The following KLF9 variants were observed in gnomAD, a reference collection of about 807,000 sequenced individuals.
KLF9 encodes KLF transcription factor 9.
A neutral mutation model predicts 17.3 loss-of-function variants in KLF9; 2 were observed. That is an observed-to-expected ratio of 0.12 (90% CI 0.05 to 0.36). The LOEUF (loss-of-function observed/expected upper bound fraction) is 0.36, where lower values mean the gene tolerates loss of function less well. KLF9 is among the 10% of genes least tolerant of loss of function. The probability of loss-of-function intolerance (pLI) is 1.00; values close to 1 mark genes in which losing one functional copy is unlikely to be tolerated. For synonymous variants in KLF9, 138 were observed against 139.2 expected, an observed-to-expected ratio of 0.99 and a Z score of 0.06; for missense variants, 226 against 333.2, an observed-to-expected ratio of 0.68 and a Z score of 2.51.
intron 1 of KLF9, among the ~76,000 whole-genome samples, chr9:70,406,824 T>C (rs533101605): frequency 6.7e-6 from 1 of 148,244 alleles, no homozygotes; most frequent in Admixed American, 6.8e-5. Flanking sequence ...ATTCTAGCAG[T>C]GGAGGAAGGA....
intron 1 of KLF9, among the ~76,000 whole-genome samples, chr9:70,412,186 CAAAAAAAA>C (rs10644898): frequency 1.9e-3 from 88 of 47,128 alleles, no homozygotes; most frequent in South Asian, 0.012. Flanking sequence ...GTCACATGGC[CAAAAAAAA>C]AAAAAAAAAA....
rs34988097 is a variant in KLF9, at chr9:70,401,686, C to CAAAA, written c.505+11169_505+11172dup. 1.2e-4 allele frequency among the ~76,000 whole-genome samples: 8 copies of CAAAA among 66,404 alleles called. 1 individual carries two copies. Among genetic ancestry groups the CAAAA allele is most frequent in the Admixed American group, 2.0e-4 (1 of 5,028 alleles). 43.6% of individuals were successfully genotyped at this position (66,404 alleles called of 152,430 possible). Reference sequence around the variant, plus strand: ...TGGGCAACAGAGCAAGACTCCTTCACAAAAAAAAAAAAAAAAAAAGAAAAG... The same window carrying CAAAA: ...TGGGCAACAGAGCAAGACTCCTTCACAAAAAAAAAAAAAAAAAAAAAAAGAAAAG... On this transcript the variant is annotated intron_variant, in intron 1 of 1. Coordinates refer to ENST00000377126, the MANE Select transcript of KLF9 (RefSeq NM_001206.4).
At position 70,385,913 on chromosome 9, in the gene KLF9, A is replaced by G. The variant is rs1038595562; in HGVS notation, c.*1863T>C. On this transcript the variant is annotated 3_prime_UTR_variant, in exon 2 of 2. Coordinates refer to ENST00000377126, the MANE Select transcript of KLF9 (RefSeq NM_001206.4). ...TAATGTTAAAAGCAGTTCTCTTTAT[A>G]GAACTACTAATACAACTACGTTGGT... 15 of 152,200 alleles carry G rather than the reference A, an allele frequency of 9.9e-5. No homozygotes were observed. The highest frequency in any genetic ancestry group is 3.1e-4 in the African/African-American group (13 of 41,430). 9.4% of individuals were successfully genotyped at this position (152,200 alleles called of 1,614,324 possible). A position where few individuals can be genotyped will look rare whatever the true frequency, so the allele number is the denominator to read the frequency against.
chr9:70,388,116 A>G (rs2037127020), intron 1 of KLF9, 111 bp from the exon 2 acceptor site: 1 of 834,462 alleles, frequency 1.2e-6, no homozygotes, highest in African/African-American at 1.7e-5. Context: ...CTCGGAGATG[A>G]TTATTATGTG....
intron 1 of KLF9, among the ~76,000 whole-genome samples, chr9:70,412,045 CT>C (rs150727354): frequency 1.3e-3 from 192 of 152,170 alleles, no homozygotes; most frequent in African/African-American, 4.4e-3. Flanking sequence ...GGCCATGCCT[CT>C]CACCCTCCCT....
intron 1 of KLF9, among the ~76,000 whole-genome samples, chr9:70,410,061 G>A (rs1422838175): frequency 1.3e-5 from 2 of 152,186 alleles, no homozygotes; most frequent in African/African-American, 2.4e-5. Context: ...GATTAAGAAA[G>A]TGAGGCTTAA....
rs1482689029 is a variant in KLF9, at chr9:70,414,306, G to A, written c.-943C>T. The A allele has an allele frequency of 6.6e-6, 1 of 152,184 alleles. No individual in the cohort carries two copies. Among genetic ancestry groups the A allele is most frequent in the Non-Finnish European group, 1.5e-5 (1 of 68,046 alleles). The allele number at this position is 152,184 out of a possible 1,614,324, so 9.4% of individuals were successfully genotyped here. A position where few individuals can be genotyped will look rare whatever the true frequency, so the allele number is the denominator to read the frequency against. On this transcript the variant is annotated 5_prime_UTR_variant, in exon 1 of 2. It adds an upstream start codon to the 5' untranslated region. Coordinates refer to ENST00000377126, the MANE Select transcript of KLF9 (RefSeq NM_001206.4). ...ACATCTTTCCTAGTCAGTTGCGCTC[G>A]TTCCTATGGCAAAAGAGAACTTCAG...
intron 1 of KLF9, among the ~76,000 whole-genome samples, chr9:70,389,291 T>C (rs2037136816): frequency 6.6e-6 from 1 of 152,176 alleles, no homozygotes; most frequent in Non-Finnish European, 1.5e-5. Flanking sequence ...TGAACTAACA[T>C]TGTTCTAAGC....
rs1203304373 is a variant in KLF9, at chr9:70,387,200, T to G, written c.*576A>C. ...GCATAAAGACAGCTGTGCTATGGCG[T>G]TTTTTTTTTTAATCTCAAAAGTTAA... On this transcript the variant is annotated 3_prime_UTR_variant, in exon 2 of 2. Transcript: ENST00000377126. 7.2e-6 allele frequency: 1 copy of G among 139,234 alleles called. No individual in the cohort carries two copies. Among genetic ancestry groups the G allele is most frequent in the Admixed American group, 6.9e-5 (1 of 14,446 alleles). The allele number at this position is 139,234 out of a possible 1,614,324, so 8.6% of individuals were successfully genotyped here.
chr9:70,406,748 T>C (rs2037258208), intron 1 of KLF9, among the ~76,000 whole-genome samples: 1 of 152,166 alleles, frequency 6.6e-6, no homozygotes, highest in Non-Finnish European at 1.5e-5. Context: ...ATTTACGCTC[T>C]TCAGTGGGCG....
chr9:70,397,639 A>G (rs1215199007), intron 1 of KLF9, among the ~76,000 whole-genome samples: 2 of 152,200 alleles, frequency 1.3e-5, no homozygotes, highest in Non-Finnish European at 2.9e-5. Context: ...ATGCACAAAC[A>G]GTAACAGTAG....
rs776054134 is a variant in KLF9 at position 70,413,387 on chromosome 9, C to A, written c.-24G>T. 1.6e-4 allele frequency: 236 copies of A among 1,470,566 alleles called. No homozygotes were observed. Among genetic ancestry groups the A allele is most frequent in the Non-Finnish European group, 2.1e-4 (229 of 1,112,978 alleles). 91.1% of individuals were successfully genotyped at this position (1,470,566 alleles called of 1,614,324 possible). On this transcript the variant is annotated 5_prime_UTR_variant, in exon 1 of 2. Coordinates refer to ENST00000377126, the MANE Select transcript of KLF9 (RefSeq NM_001206.4). The surrounding 1 kb of genome is among the most constrained non-coding windows in gnomAD (Gnocchi z 5.6). ...ATGGTGCGGGCGACGGCAGCCCAGG[C>A]GGCGCGGACAAACTTGGCGGTGGCT...
intron 1 of KLF9, among the ~76,000 whole-genome samples, chr9:70,394,920 C>T (rs1363554977): frequency 6.6e-6 from 1 of 152,204 alleles, no homozygotes; most frequent in East Asian, 1.9e-4. Context: ...TGTACAAATT[C>T]ATCTACGGAA....
chr9:70,412,538 C>T (rs2037329238), intron 1 of KLF9, among the ~76,000 whole-genome samples: 1 of 152,104 alleles, frequency 6.6e-6, no homozygotes. Flanking sequence ...TGGGGTGGCC[C>T]CACCGTCGCG....
intron 1 of KLF9, among the ~76,000 whole-genome samples, chr9:70,409,568 A>T (rs1477052587): frequency 6.6e-6 from 1 of 152,134 alleles, no homozygotes; most frequent in African/African-American, 2.4e-5. Flanking sequence ...GTATCCACAA[A>T]GTCAGGAGAC....
intron 1 of KLF9, among the ~76,000 whole-genome samples, chr9:70,399,819 C>T (rs2118916486): frequency 6.6e-6 from 1 of 152,338 alleles, no homozygotes; most frequent in Non-Finnish European, 1.5e-5. Flanking sequence ...CTTCCAAATG[C>T]ATTGCCTCAG....
intron 1 of KLF9, among the ~76,000 whole-genome samples, chr9:70,401,685 A>C (rs35521202): frequency 8.9e-6 from 1 of 112,970 alleles, no homozygotes; most frequent in Non-Finnish European, 1.8e-5. Flanking sequence ...AGACTCCTTC[A>C]CAAAAAAAAA....
At chr9:70,407,911 G>T (rs2037267754) in intron 1 of KLF9, among the ~76,000 whole-genome samples, 1 of 152,168 alleles carries the variant, frequency 6.6e-6, no homozygotes, top group African/African-American at 2.4e-5. Flanking sequence ...TCCCTAACAG[G>T]ATACTTGATA....
At chr9:70,389,388 A>T (rs557666012) in intron 1 of KLF9, among the ~76,000 whole-genome samples, 1 of 152,162 alleles carries the variant, frequency 6.6e-6, no homozygotes, top group South Asian at 2.1e-4. Context: ...GAGAAAACTG[A>T]GACTTGGAGG....
Sources: allele counts gnomAD v4.1 joint callset (sites outside exome capture counted in the v4.1 genomes callset), GRCh38; gene constraint gnomAD v4.1.1; non-coding constraint Gnocchi (gnomAD v3.1); transcripts MANE v1.5; gene names NCBI Gene and HGNC (gene_info 2026-07-23, HGNC 2026-07-21).